Variants in TMEM63A observed in about 807,000 individuals in gnomAD.
TMEM63A encodes transmembrane protein 63A, also known as mechanosensitive cation channel TMEM63A.
A neutral mutation model predicts 100.6 loss-of-function variants in TMEM63A; 76 were observed. That is an observed-to-expected ratio of 0.76 (90% CI 0.63 to 0.91). The LOEUF is 0.91. Ranked by LOEUF, TMEM63A falls within the 40% of genes least tolerant of loss-of-function variation. The pLI, the probability that TMEM63A is intolerant of heterozygous loss-of-function variation, is 0.00. For missense variants in TMEM63A, 876 were observed against 1,008.8 expected (o/e 0.87, Z 1.78); for synonymous variants, 401 against 401.1 (o/e 1.00, Z 0.00).
intron 19 of TMEM63A, 94 bp from the exon 20 acceptor site, chr1:225,852,863 G>T: frequency 8.9e-7 from 1 of 1,125,234 alleles, no homozygotes; most frequent in African/African-American, 1.5e-5. Flanking sequence ...CAGGGTGGAG[G>T]AGGACTTTGG....
At chr1:225,866,981 T>G (rs360085) in intron 8 of TMEM63A, 131 bp downstream of exon 8, 1 of 929,836 alleles carries the variant, frequency 1.1e-6, no homozygotes, top group Admixed American at 1.8e-5. Flanking sequence ...GCTCAACAAC[T>G]CACTAGCTGC....
At chr1:225,847,380 A>C in intron 23 of TMEM63A, 167 bp from the exon 24 acceptor site, 1 of 753,844 alleles carries the variant, frequency 1.3e-6, no homozygotes, top group Non-Finnish European at 2.1e-6. Context: ...TGACACCTGC[A>C]GAATTTCCTA....
chr1:225,840,994 T>C (rs192485055), downstream of TMEM63A: 84 of 152,336 alleles, frequency 5.5e-4, no homozygotes, highest in African/African-American at 1.9e-3. Flanking sequence ...GACAATCTCA[T>C]ATAACCTCTT....
At chr1:225,874,603 G>A (rs962105756) in intron 3 of TMEM63A, among the ~76,000 whole-genome samples, 6 of 152,228 alleles carry the variant, frequency 3.9e-5, no homozygotes, top group Non-Finnish European at 7.3e-5. Context: ...GGCTGCCAGC[G>A]CTGACGCCAA....
intron 20 of TMEM63A, among the ~76,000 whole-genome samples, chr1:225,851,604 A>G (rs1401118270): frequency 6.6e-6 from 1 of 152,134 alleles, no homozygotes; most frequent in East Asian, 1.9e-4. Context: ...TTTTGACCTC[A>G]GGTGATGCAC....
intron 20 of TMEM63A, among the ~76,000 whole-genome samples, chr1:225,850,549 G>A (rs930831632): frequency 6.6e-6 from 1 of 152,130 alleles, no homozygotes; most frequent in African/African-American, 2.4e-5. Context: ...CGCTATTCAG[G>A]GGGTCGGCAA....
At position 225,853,657 on chromosome 1, in the gene TMEM63A, G is replaced by C; in HGVS notation, c.1769C>G (p.Thr590Arg). The C allele has an allele frequency of 6.4e-7, 1 of 1,574,128 alleles. No homozygotes were observed. Among genetic ancestry groups the C allele is most frequent in the Non-Finnish European group, 8.6e-7 (1 of 1,159,546 alleles). ...CTTGACATTCCTGCGGTCAGCAGCC[G>C]TCTTGGCCATGATCATGCGGAAGGT... is the stretch of plus-strand genomic sequence containing the variant. ...LYTFRMIMAKTAADRRNVKQN... is the reference protein window; with the variant it reads ...LYTFRMIMAKRAADRRNVKQN... The change falls in exon 19 of 25, where the codon ACG (threonine) becomes AGG (arginine). Residue 590 changes from threonine to arginine, a missense_variant. This residue lies in a region of TMEM63A where 339 missense variants were observed against 342.3 expected (regional missense o/e 0.99). Transcript: ENST00000366835. The surrounding 1 kb of genome is among the most constrained non-coding windows in gnomAD (Gnocchi z 4.0).
At chr1:225,842,402 C>A (rs373882933), downstream of TMEM63A, 3 of 1,613,966 alleles carry the variant, frequency 1.9e-6, no homozygotes, top group Non-Finnish European at 2.5e-6. Context: ...GGTCTGGCTG[C>A]CTATATTCTA....
chr1:225,880,701 G>A (rs1050071049), intron 1 of TMEM63A, among the ~76,000 whole-genome samples: 4 of 152,290 alleles, frequency 2.6e-5, no homozygotes, highest in African/African-American at 4.8e-5. Context: ...GTGACTTCAC[G>A]CTCCCAACCC....
chr1:225,842,536 T>A, downstream of TMEM63A: 1 of 1,155,742 alleles, frequency 8.7e-7, no homozygotes, highest in Non-Finnish European at 1.3e-6. Flanking sequence ...CTCCTCACCC[T>A]CTTCATCCCC....
intron 6 of TMEM63A, among the ~76,000 whole-genome samples, chr1:225,869,664 TTC>T (rs754754015): frequency 2.8e-3 from 59 of 21,012 alleles, no homozygotes; most frequent in Non-Finnish European, 7.0e-3. Context: ...TTCTTTTCTT[TTC>T]TTTTTTTTTT....
intron 5 of TMEM63A, 98 bp from the exon 6 acceptor site, chr1:225,871,211 T>C: frequency 7.7e-7 from 1 of 1,291,178 alleles, no homozygotes; most frequent in Non-Finnish European, 1.1e-6. Flanking sequence ...TTTAACCTCC[T>C]GTTGTATAAA....
In TMEM63A at chr1:225,862,080, GGGA is replaced by G. The variant is rs1669968781; in HGVS notation, c.1085+135_1085+137del. 3 of 1,313,274 alleles carry G rather than the reference GGGA, an allele frequency of 2.3e-6. No individual in the cohort carries two copies. Among genetic ancestry groups the G allele is most frequent in the East Asian group, 2.5e-5 (1 of 39,756 alleles). The allele number at this position is 1,313,274 out of a possible 1,614,324, so 81.4% of individuals were successfully genotyped here. On this transcript the variant is annotated intron_variant, in intron 13 of 24. Coordinates refer to ENST00000366835, the MANE Select transcript of TMEM63A (RefSeq NM_014698.3). The surrounding 1 kb of genome is among the most constrained non-coding windows in gnomAD (Gnocchi z 5.1). The stretch of plus-strand genomic sequence containing the variant: ...GCTGAAAGTGAGTGTGGGTAGCTGA[GGGA>G]GGAGAAGGAAACACCACAGATAAAT...
In TMEM63A at chr1:225,851,415, G is replaced by A. The variant is rs554084661; in HGVS notation, c.1903+1249C>T. The stretch of plus-strand genomic sequence containing the variant: ...AGATGGAGTCTCGCTCATTGGTCAG[G>A]CTGGAGTGCACTGGTGCAATCTTGG... On this transcript the variant is annotated intron_variant, in intron 20 of 24. Transcript: ENST00000366835. Among the ~76,000 whole-genome samples, 12 of 152,206 alleles carry A rather than the reference G, an allele frequency of 7.9e-5. No individual in the cohort carries two copies. The Middle Eastern group carries it at 0.017, about 216-fold the overall frequency.
At position 225,867,386 on chromosome 1, in the gene TMEM63A, T is replaced by C. The variant is rs755102858; in HGVS notation, c.515-223A>G. On this transcript the variant is annotated intron_variant, in intron 7 of 24. Transcript: ENST00000366835. This position sits in a 1 kb window ranked among gnomAD's most constrained non-coding sequence, Gnocchi z 4.6. ...CAACCTTCCATTGCAGGTAAAGGCA[T>C]AATGTGAATTCATTTTGTTTTGAGA... Among the ~76,000 whole-genome samples, 1 of 152,194 alleles carries C rather than the reference T, an allele frequency of 6.6e-6. No homozygotes were observed. Among genetic ancestry groups the C allele is most frequent in the Non-Finnish European group, 1.5e-5 (1 of 68,044 alleles).
At chr1:225,861,120 G>T in intron 13 of TMEM63A, 123 bp from the exon 14 acceptor site, 1 of 1,158,816 alleles carries the variant, frequency 8.6e-7, no homozygotes, top group Non-Finnish European at 1.2e-6. Flanking sequence ...GTTGTGATTA[G>T]TGTATTATGA....
intron 18 of TMEM63A, among the ~76,000 whole-genome samples, chr1:225,854,841 T>C (rs747277881): frequency 2.0e-5 from 3 of 152,046 alleles, no homozygotes; most frequent in Non-Finnish European, 4.4e-5. Flanking sequence ...GCAGCCAAAA[T>C]CTAGAGTTGG....
intron 20 of TMEM63A, among the ~76,000 whole-genome samples, chr1:225,852,457 G>A (rs978595727): frequency 1.4e-4 from 22 of 152,192 alleles, no homozygotes; most frequent in African/African-American, 4.8e-4. Context: ...CTCCAGCCTG[G>A]GCATCAGCAT....
chr1:225,849,047 A>C, intron 21 of TMEM63A, 35 bp from the exon 22 acceptor site: 1 of 461,096 alleles, frequency 2.2e-6, no homozygotes, highest in Admixed American at 2.4e-5. Flanking sequence ...TGGGGTGGGC[A>C]GGGAGGGGCC....
Sources: allele counts gnomAD v4.1 joint callset (sites outside exome capture counted in the v4.1 genomes callset), GRCh38; gene constraint gnomAD v4.1.1; regional missense constraint gnomAD v4.1.1; non-coding constraint Gnocchi (gnomAD v3.1); transcripts MANE v1.5; gene names NCBI Gene and HGNC (gene_info 2026-07-23, HGNC 2026-07-21).